Variants in UGT2A1 observed in about 807,000 individuals in gnomAD.
The protein encoded by UGT2A1 is UDP-glucuronosyltransferase 2A1.
UGT2A1 carries 61 observed loss-of-function variants against 45.4 expected under a neutral mutation model. The observed-to-expected ratio is 1.34, with a 90% CI of 1.09 to 1.66. The LOEUF (loss-of-function observed/expected upper bound fraction) is 1.66, where lower values mean the gene tolerates loss of function less well. Ranked by LOEUF, UGT2A1 falls within the 40% of genes most tolerant of loss-of-function variation. The pLI, the probability that UGT2A1 is intolerant of heterozygous loss-of-function variation, is 0.00. For missense variants in UGT2A1, 649 were observed against 574.3 expected, an observed-to-expected ratio of 1.13 and a Z score of -1.33; for synonymous variants, 229 against 196.2, an observed-to-expected ratio of 1.17 and a Z score of -1.40.
intron 3 of UGT2A1, among the ~76,000 whole-genome samples, chr4:69,620,640 A>C (rs1322739028): frequency 6.8e-6 from 1 of 146,722 alleles, no homozygotes; most frequent in African/African-American, 2.5e-5. Flanking sequence ...CTATTTTAAA[A>C]TATATATATG....
At chr4:69,611,519 G>C (rs1265210677) in intron 3 of UGT2A1, among the ~76,000 whole-genome samples, 1 of 152,000 alleles carries the variant, frequency 6.6e-6, no homozygotes, top group African/African-American at 2.4e-5. Context: ...TTTAAATGAA[G>C]AGTAATGCTA....
In UGT2A1 at chr4:69,602,463, T is replaced by C. The variant is rs562426048; in HGVS notation, c.848-3069A>G. 7.9e-5 allele frequency among the ~76,000 whole-genome samples: 8 copies of C among 100,832 alleles called. 2 individuals are homozygous for C. The South Asian group carries it at 1.0e-3, about 13-fold the overall frequency. 66.1% of individuals were successfully genotyped at this position (100,832 alleles called of 152,430 possible). A position where few individuals can be genotyped will look rare whatever the true frequency, so the allele number is the denominator to read the frequency against. ...TTTAGAATAACAAAGATTTAGGAGT[T>C]TATCTATCTATCTATCTATCTATCT... On this transcript the variant is annotated intron_variant, in intron 3 of 6. Coordinates refer to ENST00000286604, the MANE Select transcript of UGT2A1 (RefSeq NM_001252275.3).
chr4:69,595,152 A>C lies in UGT2A1; in HGVS notation c.1084+10T>G, dbSNP rs1431760020. On this transcript the variant is annotated intron_variant, in intron 5 of 6. Coordinates refer to ENST00000286604, the MANE Select transcript of UGT2A1 (RefSeq NM_001252275.3). ...CCCACTGTACAGCTTTTCTTTCCCC[A>C]CAGTCTTACCAAGAAGATCATTCTG... 5 of 1,613,774 alleles carry C rather than the reference A, an allele frequency of 3.1e-6. No individual in the cohort carries two copies. The highest frequency in any genetic ancestry group is 1.1e-5 in the South Asian group (1 of 91,076).
intron 3 of UGT2A1, among the ~76,000 whole-genome samples, chr4:69,632,428 C>T (rs1431027839): frequency 2.0e-5 from 3 of 152,064 alleles, no homozygotes; most frequent in Non-Finnish European, 2.9e-5. Context: ...AGTACACCCA[C>T]GTTATGATTT....
rs1171926386 is a variant in UGT2A1, at chr4:69,647,635, TG to T, written c.9del (p.Asn3LysfsTer10). 5.7e-6 allele frequency: 9 copies of T among 1,567,670 alleles called. No homozygotes were observed. The African/African-American group carries it at 9.6e-5, about 17-fold the overall frequency. The part of the protein sequence containing the change: ML[N>X]NLLLFSLQIS... ...ATCTGAAGGGAGAACAGCAGAAGGT[TG>T]TTTAACATGATGTGGCTTGATGCAG... On this transcript the variant is annotated frameshift_variant, in exon 2 of 7. Transcript: ENST00000286604. LOFTEE classifies it high-confidence loss of function.
intron 5 of UGT2A1, 42 bp from the exon 6 acceptor site, chr4:69,594,738 C>T: frequency 6.3e-7 from 1 of 1,581,796 alleles, no homozygotes; most frequent in Non-Finnish European, 8.6e-7. Context: ...GTAATAATAA[C>T]ACATTAGCAG....
chr4:69,607,099 C>A (rs1333950121), intron 3 of UGT2A1, among the ~76,000 whole-genome samples: 1 of 138,972 alleles, frequency 7.2e-6, no homozygotes, highest in African/African-American at 2.9e-5. Context: ...AAAAAAGAGC[C>A]CGCATTGCCA....
intron 3 of UGT2A1, among the ~76,000 whole-genome samples, chr4:69,627,668 G>A (rs1721165583): frequency 6.6e-6 from 1 of 151,640 alleles, no homozygotes; most frequent in Non-Finnish European, 1.5e-5. Context: ...TTCAGAAAAG[G>A]ACTGAAGAAC....
intron 3 of UGT2A1, among the ~76,000 whole-genome samples, chr4:69,624,136 C>T (rs1184489607): frequency 6.6e-6 from 1 of 151,490 alleles, no homozygotes; most frequent in Non-Finnish European, 1.5e-5. Context: ...TAATTTTCAT[C>T]AATTTACTTT....
At chr4:69,600,775 A>AAG (rs929206123) in intron 3 of UGT2A1, among the ~76,000 whole-genome samples, 2 of 151,514 alleles carry the variant, frequency 1.3e-5, no homozygotes, top group African/African-American at 4.9e-5. Context: ...GAGCAGGAGC[A>AAG]AGAGAGAGAG....
chr4:69,594,409 G>T, intron 6 of UGT2A1, 68 bp downstream of exon 6: 3 of 1,554,788 alleles, frequency 1.9e-6, no homozygotes, highest in Non-Finnish European at 2.6e-6. Context: ...ATAAAAGAAT[G>T]TACATTTTCT....
chr4:69,604,916 T>C lies in UGT2A1; in HGVS notation c.848-5522A>G, dbSNP rs573530009. Among the ~76,000 whole-genome samples the C allele has an allele frequency of 4.1e-4, 56 of 136,512 alleles. 9 individuals carry two copies. Among genetic ancestry groups the C allele is most frequent in the Non-Finnish European group, 6.5e-4 (42 of 64,172 alleles). 89.6% of individuals were successfully genotyped at this position (136,512 alleles called of 152,430 possible). A position where few individuals can be genotyped will look rare whatever the true frequency, so the allele number is the denominator to read the frequency against. On this transcript the variant is annotated intron_variant, in intron 3 of 6. Transcript: ENST00000286604. ...CCCAATACAGGAGCACCCAGATTCA[T>C]AAAGCAAGTCCTTAGAGACCTAGAA...
chr4:69,591,449 G>C (rs1339292516), intron 6 of UGT2A1, among the ~76,000 whole-genome samples: 3 of 152,118 alleles, frequency 2.0e-5, no homozygotes, highest in Admixed American at 6.6e-5. Context: ...AGGAATGCCT[G>C]GGTTAAGATA....
chr4:69,602,245 T>C (rs1184446162), intron 3 of UGT2A1, among the ~76,000 whole-genome samples: 1 of 136,504 alleles, frequency 7.3e-6, no homozygotes. Flanking sequence ...TGAAATTCTA[T>C]TAGTAAACTA....
chr4:69,596,230 G>A (rs999261374), intron 4 of UGT2A1: 1 of 1,492,252 alleles, frequency 6.7e-7, no homozygotes, highest in Admixed American at 2.2e-5. Context: ...CTGTGTACCA[G>A]GATTCCAGGC....
chr4:69,599,580 G>T, intron 3 of UGT2A1, 186 bp from the exon 4 acceptor site: 1 of 852,876 alleles, frequency 1.2e-6, no homozygotes, highest in Non-Finnish European at 1.6e-6. Flanking sequence ...AAGGAAGGAG[G>T]AAGGAAGAAA....
At chr4:69,651,933 G>A (rs1273505105) in intron 1 of UGT2A1, among the ~76,000 whole-genome samples, 4 of 152,212 alleles carry the variant, frequency 2.6e-5, no homozygotes, top group South Asian at 2.1e-4. Context: ...GAAAAGAGGC[G>A]AGCCTATAAA....
chr4:69,652,442 C>G (rs900392490), intron 1 of UGT2A1, among the ~76,000 whole-genome samples: 2 of 151,872 alleles, frequency 1.3e-5, no homozygotes, highest in Non-Finnish European at 2.9e-5. Flanking sequence ...CACCACCACA[C>G]CTGTCTAATT....
chr4:69,589,587 G>C lies in UGT2A1; in HGVS notation c.1369C>G (p.Arg457Gly), dbSNP rs139303872. 3 of 1,613,820 alleles carry C rather than the reference G, an allele frequency of 1.9e-6. No homozygotes were observed. Among genetic ancestry groups the C allele is most frequent in the Non-Finnish European group, 1.7e-6 (2 of 1,179,890 alleles). ...HHDQPVKPLD[R>G]AVFWIEFVMR... Reference sequence around the variant, plus strand: ...ACAAACTCGATCCAGAAGACTGCTCGATCCAGGGGCTTTACAGGTTGATCA... The same window carrying C: ...ACAAACTCGATCCAGAAGACTGCTCCATCCAGGGGCTTTACAGGTTGATCA... Residue 457 changes from arginine to glycine, a missense_variant, in exon 7 of 7, where the codon CGA becomes GGA. Coordinates refer to ENST00000286604, the MANE Select transcript of UGT2A1 (RefSeq NM_001252275.3).
Sources: gnomAD v4.1 joint callset for allele counts (sites outside exome capture counted in the v4.1 genomes callset) on GRCh38, gnomAD v4.1.1 for gene constraint, MANE v1.5 for transcripts, NCBI Gene and HGNC (gene_info 2026-07-23, HGNC 2026-07-21) for gene names.